The following SNAPC1 variants were observed in gnomAD, a reference collection of about 807,000 sequenced individuals.
SNAPC1 encodes the protein small nuclear RNA activating complex polypeptide 1.
SNAPC1 carries 42 observed loss-of-function variants against 50.1 expected under a neutral mutation model. That is an observed-to-expected ratio of 0.84 (90% CI 0.65 to 1.08). The LOEUF is 1.08. Ranked by LOEUF, SNAPC1 falls within the 50% of genes least tolerant of loss-of-function variation. The pLI is 0.00. For synonymous variants in SNAPC1, 164 were observed against 144.2 expected, an observed-to-expected ratio of 1.14 and a Z score of -0.98; for missense variants, 477 against 427.3, an observed-to-expected ratio of 1.12 and a Z score of -1.02.
chr14:61,785,986 G>T (rs908831645), intron 8 of SNAPC1, among the ~76,000 whole-genome samples: 8 of 152,254 alleles, frequency 5.3e-5, no homozygotes, highest in Middle Eastern at 3.4e-3. Context: ...CACTGCTAAA[G>T]AAATTAAATT....
chr14:61,770,947 GC>G (rs1196215300), intron 4 of SNAPC1, among the ~76,000 whole-genome samples: 2 of 152,094 alleles, frequency 1.3e-5, no homozygotes, highest in African/African-American at 4.8e-5. Flanking sequence ...TCACCATGTT[GC>G]CCAGGGTGGT....
chr14:61,770,791 G>T (rs1262969070), intron 4 of SNAPC1, among the ~76,000 whole-genome samples: 1 of 152,004 alleles, frequency 6.6e-6, no homozygotes, highest in Non-Finnish European at 1.5e-5. Context: ...TTGGAGTGCA[G>T]TGGCGCAATT....
intron 8 of SNAPC1, among the ~76,000 whole-genome samples, chr14:61,792,164 A>G (rs1351693737): frequency 1.3e-5 from 2 of 152,086 alleles, no homozygotes; most frequent in East Asian, 1.9e-4. Context: ...TGGGGCAAAG[A>G]AAAACAGCAT....
Position 61,790,164 on chromosome 14 carries a change from G to A in SNAPC1, c.977-2643G>A, listed in dbSNP as rs150322684. Among the ~76,000 whole-genome samples the A allele has an allele frequency of 1.2e-3, 190 of 152,294 alleles. 2 individuals are homozygous for A. Among genetic ancestry groups the A allele is most frequent in the Non-Finnish European group, 2.4e-3 (162 of 68,028 alleles). On this transcript the variant is annotated intron_variant, in intron 8 of 9. Coordinates refer to ENST00000216294, the MANE Select transcript of SNAPC1 (RefSeq NM_003082.4). ...AGTCCGCCTTGCCAGACTGATTTCT[G>A]TAATAATTGCTTGGTGTATTAATGG...
chr14:61,764,496 A>T (rs1254678), intron 1 of SNAPC1, among the ~76,000 whole-genome samples: 5 of 152,152 alleles, frequency 3.3e-5, no homozygotes, highest in Non-Finnish European at 5.9e-5. Context: ...TATTTATTGC[A>T]TAAGACAGTT....
Position 61,767,041 on chromosome 14 carries a change from A to G in SNAPC1, c.288+6A>G, listed in dbSNP as rs759818826. 3 of 1,500,390 alleles carry G rather than the reference A, an allele frequency of 2.0e-6. No homozygotes were observed. Among genetic ancestry groups the G allele is most frequent in the Non-Finnish European group, 1.8e-6 (2 of 1,118,756 alleles). 92.9% of individuals were successfully genotyped at this position (1,500,390 alleles called of 1,614,324 possible). On this transcript the variant is annotated splice_donor_region_variant and intron_variant, in intron 2 of 9. Coordinates refer to ENST00000216294, the MANE Select transcript of SNAPC1 (RefSeq NM_003082.4). The stretch of plus-strand genomic sequence containing the variant: ...TGTGTCAACCAAAACAAAAGGTAAT[A>G]CTTAGTGAGTTATTTTTCCTTAGCA...
Position 61,767,031 on chromosome 14 carries a change from A to G in SNAPC1, c.284A>G (p.Gln95Arg). The G allele has an allele frequency of 6.4e-7, 1 of 1,559,998 alleles. No individual in the cohort carries two copies. Among genetic ancestry groups the G allele is most frequent in the Non-Finnish European group, 8.7e-7 (1 of 1,149,496 alleles). ...AATACCCAACTGTGTCAACCAAAACAAAAGGTAATACTTAGTGAGTTATTT... is the reference window on the plus strand; with the variant it reads ...AATACCCAACTGTGTCAACCAAAACGAAAGGTAATACTTAGTGAGTTATTT... ...LYNTQLCQPK[Q>R]KIRVALKDWD... Residue 95 changes from glutamine (Q) to arginine (R), a missense_variant, in exon 2 of 10, where the codon CAA becomes CGA. Physicochemically the swap from Gln to Arg is conservative, Grantham distance 43. Transcript: ENST00000216294.
At chr14:61,791,390 T>G (rs2045151452) in intron 8 of SNAPC1, among the ~76,000 whole-genome samples, 1 of 152,226 alleles carries the variant, frequency 6.6e-6, no homozygotes, top group African/African-American at 2.4e-5. Context: ...GTTTCCTTTT[T>G]TCTACATTTA....
chr14:61,769,538 C>A (rs2044973165), intron 4 of SNAPC1, among the ~76,000 whole-genome samples: 1 of 151,670 alleles, frequency 6.6e-6, no homozygotes, highest in Non-Finnish European at 1.5e-5. Flanking sequence ...GCTGGGACCA[C>A]AGGCGTGTGC....
intron 8 of SNAPC1, among the ~76,000 whole-genome samples, chr14:61,789,230 C>CAAAAAA: frequency 9.5e-6 from 1 of 104,886 alleles, no homozygotes; most frequent in African/African-American, 3.3e-5. Flanking sequence ...GACTCCATCT[C>CAAAAAA]AAAAAAAAAA....
At chr14:61,773,080 A>G (rs1449515570) in intron 4 of SNAPC1, among the ~76,000 whole-genome samples, 9 of 152,318 alleles carry the variant, frequency 5.9e-5, no homozygotes, top group African/African-American at 2.2e-4. Context: ...TGCAACTGCT[A>G]TTAAGTCTTC....
At chr14:61,787,918 A>G (rs2045126602) in intron 8 of SNAPC1, among the ~76,000 whole-genome samples, 1 of 152,324 alleles carries the variant, frequency 6.6e-6, no homozygotes, top group Middle Eastern at 3.4e-3. Context: ...TGAGCTGGCC[A>G]AGCTGCTTTC....
intron 8 of SNAPC1, among the ~76,000 whole-genome samples, chr14:61,790,747 T>G (rs2045146425): frequency 6.6e-6 from 1 of 152,068 alleles, no homozygotes; most frequent in African/African-American, 2.4e-5. Flanking sequence ...GCCTGATTCT[T>G]TAACTGTCAT....
chr14:61,785,996 TC>T (rs2045113457), intron 8 of SNAPC1, among the ~76,000 whole-genome samples: 1 of 152,126 alleles, frequency 6.6e-6, no homozygotes, highest in Admixed American at 6.5e-5. Flanking sequence ...GAAATTAAAT[TC>T]CCAGGCTTCT....
chr14:61,764,955 ATTGT>A (rs146167142), intron 1 of SNAPC1, among the ~76,000 whole-genome samples: 28,319 of 151,918 alleles, frequency 0.19, 2,867 homozygotes, highest in African/African-American at 0.26. Context: ...AAATGTCTTT[ATTGT>A]TTGTTGCTGG....
intron 8 of SNAPC1, among the ~76,000 whole-genome samples, chr14:61,784,456 C>T (rs2045100435): frequency 6.8e-6 from 1 of 147,866 alleles, no homozygotes. Flanking sequence ...ACCATCCATT[C>T]TTGATTTAAA....
At chr14:61,786,452 A>G (rs545161194) in intron 8 of SNAPC1, among the ~76,000 whole-genome samples, 18 of 152,332 alleles carry the variant, frequency 1.2e-4, no homozygotes, top group Non-Finnish European at 2.4e-4. Flanking sequence ...GTCTAACTCA[A>G]TAAATATACA....
At chr14:61,792,670 A>T in intron 8 of SNAPC1, 137 bp from the exon 9 acceptor site, 1 of 453,446 alleles carries the variant, frequency 2.2e-6, no homozygotes. Flanking sequence ...TAGAATGCGT[A>T]TTTCTGTTAC....
intron 8 of SNAPC1, among the ~76,000 whole-genome samples, chr14:61,783,550 T>TTC (rs60389853): frequency 1.8e-4 from 25 of 142,378 alleles, no homozygotes; most frequent in African/African-American, 6.4e-4. Context: ...TTTTTTTTTT[T>TTC]CTTGAGACAG....
Sources: gnomAD v4.1 joint callset for allele counts (sites outside exome capture counted in the v4.1 genomes callset) on GRCh38, gnomAD v4.1.1 for gene constraint, MANE v1.5 for transcripts, NCBI Gene and HGNC (gene_info 2026-07-23, HGNC 2026-07-21) for gene names.